NRXN3: variants seen among roughly 807,000 people sequenced by gnomAD.
The protein encoded by NRXN3 is neurexin III.
A neutral mutation model predicts 137.6 loss-of-function variants in NRXN3; 32 were observed. That is an observed-to-expected ratio of 0.23 (90% CI 0.18 to 0.31). The LOEUF is 0.31. Ranked by LOEUF, NRXN3 falls within the 10% of genes least tolerant of loss-of-function variation. The pLI is 1.00. For synonymous variants in NRXN3, 798 were observed against 784.5 expected, an observed-to-expected ratio of 1.02 and a Z score of -0.29; for missense variants, 1,574 against 2,062.5, an observed-to-expected ratio of 0.76 and a Z score of 4.59.
Position 78,325,306 on chromosome 14 carries a change from T to C in NRXN3, c.757+27446T>C, listed in dbSNP as rs988988132. ...TTATAGCCACAGTGTTGCATAGGAC[T>C]ATCCCTTCCTCTCTCTTCAGTGTGA... On this transcript the variant is annotated intron_variant, in intron 4 of 20. Coordinates refer to ENST00000335750, the MANE Select transcript of NRXN3 (RefSeq NM_001330195.2). Among the ~76,000 whole-genome samples, 7 of 151,910 alleles carry C rather than the reference T, an allele frequency of 4.6e-5. No homozygotes were observed. In the East Asian group the frequency reaches 1.4e-3, roughly 29 times the overall value.
At chr14:79,320,688 T>C (rs2089839968) in intron 15 of NRXN3, among the ~76,000 whole-genome samples, 1 of 152,116 alleles carries the variant, frequency 6.6e-6, no homozygotes, top group Non-Finnish European at 1.5e-5. Flanking sequence ...TGGGAAACTA[T>C]TTAAAAGATT....
At position 78,881,079 on chromosome 14, in the gene NRXN3, T is replaced by G. The variant is rs896814031; in HGVS notation, c.2275+70735T>G. On this transcript the variant is annotated intron_variant, in intron 10 of 20. Coordinates refer to ENST00000335750, the MANE Select transcript of NRXN3 (RefSeq NM_001330195.2). ...CCTTTTGCTTGGCATTTCTCCTTCC[T>G]GCTGTCATGTGAAGAAGGATGTGTT... 1.3e-4 allele frequency among the ~76,000 whole-genome samples: 19 copies of G among 151,776 alleles called. 1 individual carries two copies. The East Asian group carries it at 1.4e-3, about 11-fold the overall frequency.
chr14:79,830,912 A>G (rs1280650324), intron 20 of NRXN3, among the ~76,000 whole-genome samples: 1 of 152,148 alleles, frequency 6.6e-6, no homozygotes, highest in East Asian at 1.9e-4. Flanking sequence ...CCTCCCTCTC[A>G]TTCTCTTCAC....
intron 16 of NRXN3, among the ~76,000 whole-genome samples, chr14:79,517,771 T>C (rs2097008565): frequency 1.3e-5 from 2 of 152,106 alleles, no homozygotes; most frequent in Admixed American, 1.3e-4. Context: ...TTTCTGCACT[T>C]TTATTCTGCT....
At chr14:78,503,761 A>G (rs2095925770) in intron 4 of NRXN3, among the ~76,000 whole-genome samples, 1 of 152,106 alleles carries the variant, frequency 6.6e-6, no homozygotes, top group Non-Finnish European at 1.5e-5. Context: ...CAAAAGGAGG[A>G]ACATCATACT....
intron 3 of NRXN3, among the ~76,000 whole-genome samples, chr14:78,294,167 A>G (rs948266512): frequency 4.6e-5 from 7 of 152,218 alleles, no homozygotes; most frequent in African/African-American, 1.4e-4. Flanking sequence ...CACACTGAAC[A>G]CTTATTGTCT....
intron 9 of NRXN3, among the ~76,000 whole-genome samples, chr14:78,808,542 T>C (rs952753884): frequency 3.3e-5 from 5 of 152,102 alleles, no homozygotes; most frequent in Non-Finnish European, 7.4e-5. Flanking sequence ...CACCTCTTCC[T>C]CCCTCCCTGC....
At chr14:79,254,861 T>TCTCCCTTC (rs1351274658) in intron 15 of NRXN3, among the ~76,000 whole-genome samples, 2 of 150,112 alleles carry the variant, frequency 1.3e-5, no homozygotes, top group African/African-American at 4.9e-5. Context: ...TTTCTCCCTT[T>TCTCCCTTC]CTCCCTTCCT....
intron 8 of NRXN3, among the ~76,000 whole-genome samples, chr14:78,790,784 A>T (rs1402838499): frequency 6.6e-6 from 1 of 152,114 alleles, no homozygotes; most frequent in Non-Finnish European, 1.5e-5. Flanking sequence ...TTCACAGGAG[A>T]TGGCTTAAGG....
At chr14:78,827,532 A>T (rs2098970350) in intron 10 of NRXN3, among the ~76,000 whole-genome samples, 1 of 152,214 alleles carries the variant, frequency 6.6e-6, no homozygotes, top group African/African-American at 2.4e-5. Context: ...ACGGAATAAG[A>T]GAAAATTGGT....
At chr14:78,473,702 G>T (rs1206301551) in intron 4 of NRXN3, among the ~76,000 whole-genome samples, 1 of 152,170 alleles carries the variant, frequency 6.6e-6, no homozygotes, top group Non-Finnish European at 1.5e-5. Context: ...TCTGCCTTGA[G>T]ATCATAGTAA....
chr14:78,722,477 G>C (rs190569531), intron 8 of NRXN3, among the ~76,000 whole-genome samples: 1 of 152,284 alleles, frequency 6.6e-6, no homozygotes, highest in East Asian at 1.9e-4. Flanking sequence ...ATTGTTGCAG[G>C]CTTTTCTAGC....
At chr14:79,365,725 C>CCAAAAAAA (rs2093858934) in intron 15 of NRXN3, among the ~76,000 whole-genome samples, 1 of 42,408 alleles carries the variant, frequency 2.4e-5, no homozygotes, top group Non-Finnish European at 4.2e-5. Flanking sequence ...GACTCTGTCT[C>CCAAAAAAA]AAAAAAAAAA....
intron 16 of NRXN3, among the ~76,000 whole-genome samples, chr14:79,622,091 C>G (rs914423232): frequency 6.6e-6 from 1 of 152,130 alleles, no homozygotes; most frequent in African/African-American, 2.4e-5. Flanking sequence ...TCCACGCTGT[C>G]CCAGTATACT....
intron 1 of NRXN3, among the ~76,000 whole-genome samples, chr14:78,212,837 A>AC (rs2062875326): frequency 6.6e-6 from 1 of 152,176 alleles, no homozygotes; most frequent in Non-Finnish European, 1.5e-5. Context: ...TGGTAGTGGA[A>AC]CTTTTTTTTG....
chr14:78,912,076 C>T (rs1284364392), intron 10 of NRXN3, among the ~76,000 whole-genome samples: 2 of 151,808 alleles, frequency 1.3e-5, no homozygotes, highest in African/African-American at 2.4e-5. Flanking sequence ...CCCCTGCCCC[C>T]CATCCCACAA....
chr14:78,251,369 G>A (rs181284612), intron 2 of NRXN3, among the ~76,000 whole-genome samples: 23 of 152,298 alleles, frequency 1.5e-4, no homozygotes, highest in Middle Eastern at 3.4e-3. Flanking sequence ...ATGAAACTAA[G>A]CCTTTCGTAC....
intron 15 of NRXN3, among the ~76,000 whole-genome samples, chr14:79,165,038 T>A (rs2061159815): frequency 6.6e-6 from 1 of 152,018 alleles, no homozygotes; most frequent in African/African-American, 2.4e-5. Flanking sequence ...TTAATGTGTT[T>A]GCAACTAAAT....
intron 17 of NRXN3, among the ~76,000 whole-genome samples, chr14:79,665,585 G>A (rs1228744163): frequency 6.6e-6 from 1 of 152,090 alleles, no homozygotes; most frequent in Non-Finnish European, 1.5e-5. Context: ...CTCTCCATAT[G>A]TGTTATCATT....
Sources: allele counts gnomAD v4.1 joint callset (sites outside exome capture counted in the v4.1 genomes callset), GRCh38; gene constraint gnomAD v4.1.1; transcripts MANE v1.5; gene names NCBI Gene and HGNC (gene_info 2026-07-23, HGNC 2026-07-21).